The following AIF1L variants were observed in gnomAD, a reference collection of about 807,000 sequenced individuals.
The protein encoded by AIF1L is allograft inflammatory factor 1-like.
In AIF1L, 12 loss-of-function variants were observed where a neutral mutation model predicts 20.7. The ratio of observed to expected loss-of-function variants is 0.58; its 90% CI spans 0.37 to 0.94. The LOEUF is 0.94. Ranked by LOEUF, AIF1L falls within the 40% of genes least tolerant of loss-of-function variation. AIF1L has a pLI of 0.01. For missense variants in AIF1L, 173 were observed against 185.3 expected (o/e 0.93, Z 0.39); for synonymous variants, 76 against 65.1 (o/e 1.17, Z -0.81).
intron 2 of AIF1L, among the ~76,000 whole-genome samples, chr9:131,101,823 G>A (rs1454814911): frequency 3.3e-5 from 5 of 152,092 alleles, no homozygotes; most frequent in Non-Finnish European, 5.9e-5. Context: ...AAGGATCTCT[G>A]GCTACTGTCC....
chr9:131,099,586 C>T (rs903115720), intron 2 of AIF1L, among the ~76,000 whole-genome samples: 5 of 152,214 alleles, frequency 3.3e-5, no homozygotes, highest in Non-Finnish European at 7.3e-5. Flanking sequence ...GCTTGGGCAC[C>T]GCCATGGCTG....
intron 4 of AIF1L, among the ~76,000 whole-genome samples, chr9:131,116,298 C>G (rs1208531720): frequency 1.3e-5 from 2 of 152,138 alleles, no homozygotes; most frequent in African/African-American, 4.8e-5. Context: ...TAGTCTCATT[C>G]TGTTGCCCAG....
At chr9:131,101,526 G>A (rs892270946) in intron 2 of AIF1L, among the ~76,000 whole-genome samples, 1 of 147,000 alleles carries the variant, frequency 6.8e-6, no homozygotes, top group East Asian at 2.0e-4. Flanking sequence ...TTTTTTTTTT[G>A]TGGAGACAAG....
At chr9:131,117,616 G>T in intron 4 of AIF1L, 140 bp from the exon 5 acceptor site, 1 of 828,396 alleles carries the variant, frequency 1.2e-6, no homozygotes, top group Non-Finnish European at 1.8e-6. Flanking sequence ...CAGGGAGGGC[G>T]TGATGGGCTC....
At chr9:131,107,255 G>C (rs144131286) in intron 2 of AIF1L, among the ~76,000 whole-genome samples, 95 of 152,344 alleles carry the variant, frequency 6.2e-4, no homozygotes, top group African/African-American at 2.2e-3. Flanking sequence ...TGCCGTTCAT[G>C]CTGTGCACGT....
chr9:131,104,190 C>T (rs911318911), intron 2 of AIF1L, among the ~76,000 whole-genome samples: 1 of 152,226 alleles, frequency 6.6e-6, no homozygotes, highest in African/African-American at 2.4e-5. Context: ...TGCCCCTCTG[C>T]ATGTCAATAG....
Position 131,120,915 on chromosome 9 carries a change from G to A in AIF1L, c.*593G>A. On this transcript the variant is annotated 3_prime_UTR_variant, in exon 6 of 6. Coordinates refer to ENST00000247291, the MANE Select transcript of AIF1L (RefSeq NM_031426.4). ...TGATGTGAAGGTGGGAAGGAAAGGA[G>A]CTTGGCATTGGGAGCCCTTCAAGAA... 2.0e-6 allele frequency: 1 copy of A among 504,136 alleles called. No homozygotes were observed. The highest frequency in any genetic ancestry group is 3.6e-6 in the Non-Finnish European group (1 of 279,098). 31.2% of individuals were successfully genotyped at this position (504,136 alleles called of 1,614,324 possible).
intron 2 of AIF1L, among the ~76,000 whole-genome samples, chr9:131,105,229 G>A (rs1280197595): frequency 6.6e-6 from 1 of 152,148 alleles, no homozygotes; most frequent in Non-Finnish European, 1.5e-5. Flanking sequence ...ACTGCCCGCC[G>A]GGCTCCCCCA....
chr9:131,117,397 A>T (rs534108864), intron 4 of AIF1L, among the ~76,000 whole-genome samples: 7 of 152,312 alleles, frequency 4.6e-5, no homozygotes, highest in Admixed American at 3.9e-4. Flanking sequence ...GTGTGAAGAA[A>T]GTGCTCTGGG....
At chr9:131,114,321 C>T (rs549115735) in intron 3 of AIF1L, 10 of 471,958 alleles carry the variant, frequency 2.1e-5, no homozygotes, top group Middle Eastern at 6.2e-4. Flanking sequence ...AGCTGCCCTC[C>T]TGGTAAGAGG....
At chr9:131,117,486 G>A (rs1831041105) in intron 4 of AIF1L, among the ~76,000 whole-genome samples, 1 of 152,230 alleles carries the variant, frequency 6.6e-6, no homozygotes, top group South Asian at 2.1e-4. Flanking sequence ...GTTCAGAGAG[G>A]TTAAGTAGTG....
At chr9:131,106,132 T>A in intron 2 of AIF1L, 1 of 1,518,000 alleles carries the variant, frequency 6.6e-7, no homozygotes, top group South Asian at 1.2e-5. Context: ...ACGCTAAACC[T>A]GTGGCTGGGG....
chr9:131,117,609 G>C (rs1588112648), intron 4 of AIF1L, 147 bp from the exon 5 acceptor site: 2 of 760,000 alleles, frequency 2.6e-6, no homozygotes, highest in African/African-American at 1.8e-5. Flanking sequence ...AAGAGAGCAG[G>C]GAGGGCGTGA....
rs762964862 is a variant in AIF1L at position 131,096,851 on chromosome 9, C to G, written c.81C>G (p.Ala27=). 44 of 1,536,752 alleles carry G rather than the reference C, an allele frequency of 2.9e-5. No individual in the cohort carries two copies. The highest frequency in any genetic ancestry group is 1.8e-4 in the South Asian group (15 of 82,678). The stretch of plus-strand genomic sequence containing the variant: ...AAGCCCGGCAGGAGAGGAGGCTGGC[C>G]GAGATCAACCGGGTAAGCCCCGCGC... ...LLKARQERRL[A]EINREFLCDQ... Residue 27 remains alanine, a synonymous_variant, in exon 2 of 6, where the codon GCC becomes GCG. Coordinates refer to ENST00000247291, the MANE Select transcript of AIF1L (RefSeq NM_031426.4).
chr9:131,109,931 C>T (rs184247371), intron 2 of AIF1L, among the ~76,000 whole-genome samples: 6 of 152,252 alleles, frequency 3.9e-5, no homozygotes, highest in Non-Finnish European at 7.3e-5. Flanking sequence ...AGCTACTGGC[C>T]GGGCGCCGTG....
chr9:131,097,953 G>A (rs1830561156), intron 2 of AIF1L, among the ~76,000 whole-genome samples: 1 of 152,234 alleles, frequency 6.6e-6, no homozygotes, highest in Non-Finnish European at 1.5e-5. Flanking sequence ...CTGAAACAAG[G>A]CTTGGCATTC....
intron 5 of AIF1L, among the ~76,000 whole-genome samples, chr9:131,119,496 T>C (rs1258342169): frequency 8.4e-6 from 1 of 118,732 alleles, no homozygotes; most frequent in Non-Finnish European, 1.7e-5. Flanking sequence ...AACAAAACTC[T>C]GTCTCAAAAG....
At chr9:131,104,975 T>TG (rs1421270703) in intron 2 of AIF1L, among the ~76,000 whole-genome samples, 2 of 151,982 alleles carry the variant, frequency 1.3e-5, no homozygotes, top group Non-Finnish European at 2.9e-5. Flanking sequence ...CCTTTTTTTT[T>TG]TCTTTATTTT....
At chr9:131,111,173 TAAAA>T (rs33962374) in intron 2 of AIF1L, among the ~76,000 whole-genome samples, 1 of 138,012 alleles carries the variant, frequency 7.2e-6, no homozygotes, top group Admixed American at 7.2e-5. Context: ...CAAGACTTCT[TAAAA>T]AAAAAAAAAA....
Sources: gnomAD v4.1 joint callset for allele counts (sites outside exome capture counted in the v4.1 genomes callset) on GRCh38, gnomAD v4.1.1 for gene constraint, MANE v1.5 for transcripts, NCBI Gene and HGNC (gene_info 2026-07-23, HGNC 2026-07-21) for gene names.